ZC3H12D: variants seen among roughly 807,000 people sequenced by gnomAD.
ZC3H12D encodes the protein probable ribonuclease ZC3H12D.
ZC3H12D carries 11 observed loss-of-function variants against 24.2 expected under a neutral mutation model. The observed-to-expected ratio is 0.46, with a 90% CI of 0.29 to 0.75. The LOEUF (loss-of-function observed/expected upper bound fraction) is 0.75, where lower values mean the gene tolerates loss of function less well. Among genes scored for constraint, ZC3H12D ranks in the 30% least tolerant of loss-of-function variants. The pLI is 0.11. For missense variants in ZC3H12D, 740 were observed against 767.7 expected (o/e 0.96, Z 0.43); for synonymous variants, 333 against 341.8 (o/e 0.97, Z 0.28).
At chr6:149,470,528 C>T (rs1416492640) in intron 2 of ZC3H12D, among the ~76,000 whole-genome samples, 1 of 142,376 alleles carries the variant, frequency 7.0e-6, no homozygotes, top group African/African-American at 2.7e-5. Context: ...AGCAAGACTC[C>T]GTCTGAAGAA....
chr6:149,456,627 C>CCCCCCCCCCCCCGGTGG lies in ZC3H12D; in HGVS notation c.680+38_680+39insCCACCGGGGGGGGGGGG. 7.1e-7 allele frequency: 1 copy of CCCCCCCCCCCCCGGTGG among 1,403,092 alleles called. No individual in the cohort carries two copies. The highest frequency in any genetic ancestry group is 1.7e-5 in the Admixed American group (1 of 58,922). 86.9% of individuals were successfully genotyped at this position (1,403,092 alleles called of 1,614,324 possible). A position where few individuals can be genotyped will look rare whatever the true frequency, so the allele number is the denominator to read the frequency against. On this transcript the variant is annotated intron_variant, in intron 4 of 5. Coordinates refer to ENST00000409806, the MANE Select transcript of ZC3H12D (RefSeq NM_207360.3). The surrounding 1 kb of genome is among the most constrained non-coding windows in gnomAD (Gnocchi z 4.3). ...CTGCCTCGACCCCGGCCCCCCGCCC[C>CCCCCCCCCCCCCGGTGG]GCCGCCCCCCAGGGTGTCAGGACCC...
At chr6:149,462,035 G>A (rs888622543) in intron 2 of ZC3H12D, 65 bp from the exon 3 acceptor site, 52 of 1,530,474 alleles carry the variant, frequency 3.4e-5, no homozygotes, top group African/African-American at 2.2e-4. Context: ...ATTTCCCTGC[G>A]AATATCCTGG....
intron 1 of ZC3H12D, among the ~76,000 whole-genome samples, chr6:149,481,715 G>A (rs893875791): frequency 6.7e-6 from 1 of 148,732 alleles, no homozygotes; most frequent in Non-Finnish European, 1.5e-5. Context: ...GTTACACCTG[G>A]TGGGAAGATG....
rs1488312605 is a variant in ZC3H12D at position 149,449,854 on chromosome 6, G to T, written c.*829C>A. ...CATGATGGATGGCTAATAAAATATTGGAGATACTTAACCCTTAGCCAAACA... is the reference window on the plus strand; with the variant it reads ...CATGATGGATGGCTAATAAAATATTTGAGATACTTAACCCTTAGCCAAACA... On this transcript the variant is annotated 3_prime_UTR_variant, in exon 6 of 6. Transcript: ENST00000409806. The T allele has an allele frequency of 1.3e-5, 2 of 152,134 alleles. No individual in the cohort carries two copies. Among genetic ancestry groups the T allele is most frequent in the African/African-American group, 2.4e-5 (1 of 41,394 alleles). 9.4% of individuals were successfully genotyped at this position (152,134 alleles called of 1,614,324 possible).
chr6:149,450,899 G>C lies in ZC3H12D; in HGVS notation c.1368C>G (p.Ala456=), dbSNP rs544987087. ...FPGRSVWAEP[A]WGDGATGGLS... ...GTCCCCCAGTGGCGCCGTCGCCCCAGGCCGGCTCCGCCCAGACGGAGCGCC... is the reference window on the plus strand; with the variant it reads ...GTCCCCCAGTGGCGCCGTCGCCCCACGCCGGCTCCGCCCAGACGGAGCGCC... The change falls in exon 6 of 6, where the codon GCC becomes GCG. Residue 456 remains alanine, a synonymous_variant. Coordinates refer to ENST00000409806, the MANE Select transcript of ZC3H12D (RefSeq NM_207360.3). 2 of 1,540,682 alleles carry C rather than the reference G, an allele frequency of 1.3e-6. No homozygotes were observed. Among genetic ancestry groups the C allele is most frequent in the East Asian group, 2.4e-5 (1 of 40,892 alleles).
rs1477800566 is a variant in ZC3H12D at position 149,447,029 on chromosome 6, T to C, written c.*3654A>G. Reference sequence around the variant, plus strand: ...GAGCAGCTTCTATGAGATGGCTTCATAGTTCTATAATGAGGATTTTAGAAG... The same window carrying C: ...GAGCAGCTTCTATGAGATGGCTTCACAGTTCTATAATGAGGATTTTAGAAG... On this transcript the variant is annotated 3_prime_UTR_variant, in exon 6 of 6. Transcript: ENST00000409806. The C allele has an allele frequency of 6.6e-6, 1 of 152,248 alleles. No homozygotes were observed. The highest frequency in any genetic ancestry group is 6.5e-5 in the Admixed American group (1 of 15,284). 9.4% of individuals were successfully genotyped at this position (152,248 alleles called of 1,614,324 possible). A position where few individuals can be genotyped will look rare whatever the true frequency, so the allele number is the denominator to read the frequency against.
chr6:149,469,459 A>T (rs948313315), intron 2 of ZC3H12D, among the ~76,000 whole-genome samples: 13 of 150,326 alleles, frequency 8.6e-5, no homozygotes, highest in Admixed American at 2.0e-4. Flanking sequence ...CTCCATCTCA[A>T]AAAAAAAAAG....
intron 2 of ZC3H12D, among the ~76,000 whole-genome samples, chr6:149,470,968 C>A (rs553040046): frequency 6.6e-6 from 1 of 152,308 alleles, no homozygotes; most frequent in South Asian, 2.1e-4. Context: ...CCCTGGTTTC[C>A]TTTATGGGGT....
At chr6:149,469,947 G>A (rs184143403) in intron 2 of ZC3H12D, among the ~76,000 whole-genome samples, 1 of 152,280 alleles carries the variant, frequency 6.6e-6, no homozygotes. Flanking sequence ...GGTAATGTCT[G>A]GGGGGAACAT....
Position 149,450,798 on chromosome 6 carries a change from G to C in ZC3H12D, c.1469C>G (p.Pro490Arg). ...CATCACGCGGTCCACCTGGTCACGC[G>C]GGAAGACGCTGTAGAGCGCGATGCG... The part of the protein sequence containing the change: ...RARIALYSVF[P>R]RDQVDRVMAA... Residue 490 changes from proline to arginine, a missense_variant, in exon 6 of 6, where the codon CCG becomes CGG. Coordinates refer to ENST00000409806, the MANE Select transcript of ZC3H12D (RefSeq NM_207360.3). 2 of 1,549,030 alleles carry C rather than the reference G, an allele frequency of 1.3e-6. No individual in the cohort carries two copies. Among genetic ancestry groups the C allele is most frequent in the Non-Finnish European group, 1.7e-6 (2 of 1,146,808 alleles).
chr6:149,464,805 A>C (rs1776125153), intron 2 of ZC3H12D, among the ~76,000 whole-genome samples: 1 of 152,220 alleles, frequency 6.6e-6, no homozygotes, highest in South Asian at 2.1e-4. Context: ...GGCATAACTG[A>C]CATGGTCTAG....
At chr6:149,463,056 C>A (rs1468058647) in intron 2 of ZC3H12D, among the ~76,000 whole-genome samples, 1 of 152,202 alleles carries the variant, frequency 6.6e-6, no homozygotes, top group African/African-American at 2.4e-5. Context: ...TTCAGAGAAT[C>A]CTGACTAATA....
At chr6:149,457,040 C>G (rs1775996025) in intron 3 of ZC3H12D, 140 bp from the exon 4 acceptor site, 2 of 794,998 alleles carry the variant, frequency 2.5e-6, no homozygotes, top group Non-Finnish European at 3.9e-6. Flanking sequence ...CAGTTTTTGC[C>G]GCCATAGCGT....
In ZC3H12D at chr6:149,465,923, A is replaced by C. The variant is rs966427003; in HGVS notation, c.306-3953T>G. Among the ~76,000 whole-genome samples the C allele has an allele frequency of 1.4e-4, 11 of 80,670 alleles. No homozygotes were observed. The African/African-American group carries it at 1.5e-3, about 11-fold the overall frequency. 52.9% of individuals were successfully genotyped at this position (80,670 alleles called of 152,430 possible). Reference sequence around the variant, plus strand: ...GAGGGGGAGATGGAGAAACATCAAGACTGTGAACAAGAGGCTGAACCTTTG... The same window carrying C: ...GAGGGGGAGATGGAGAAACATCAAGCCTGTGAACAAGAGGCTGAACCTTTG... On this transcript the variant is annotated intron_variant, in intron 2 of 5. Coordinates refer to ENST00000409806, the MANE Select transcript of ZC3H12D (RefSeq NM_207360.3).
intron 1 of ZC3H12D, among the ~76,000 whole-genome samples, chr6:149,480,510 A>G (rs1451717580): frequency 1.3e-5 from 2 of 152,220 alleles, no homozygotes; most frequent in Admixed American, 1.3e-4. Flanking sequence ...TATGCCTGTA[A>G]TCCCAGCACT....
chr6:149,477,828 G>C (rs1273873851), intron 1 of ZC3H12D, among the ~76,000 whole-genome samples: 1 of 152,152 alleles, frequency 6.6e-6, no homozygotes, highest in African/African-American at 2.4e-5. Flanking sequence ...GTGTGGTCTA[G>C]GGAAGCCCGG....
Position 149,452,788 on chromosome 6 carries a change from G to C in ZC3H12D, c.681-66C>G, listed in dbSNP as rs1224752808. ...ATTTGCCACCAGCACCTGTACAAAG[G>C]GAGCAGGCCCAAGTTCCCCAAGAAC... On this transcript the variant is annotated intron_variant, in intron 4 of 5. Coordinates refer to ENST00000409806, the MANE Select transcript of ZC3H12D (RefSeq NM_207360.3). This position sits in a 1 kb window ranked among gnomAD's most constrained non-coding sequence, Gnocchi z 4.0. 2 of 1,417,718 alleles carry C rather than the reference G, an allele frequency of 1.4e-6. No individual in the cohort carries two copies. Among genetic ancestry groups the C allele is most frequent in the Admixed American group, 2.0e-5 (1 of 49,792 alleles). The allele number at this position is 1,417,718 out of a possible 1,614,324, so 87.8% of individuals were successfully genotyped here.
intron 1 of ZC3H12D, among the ~76,000 whole-genome samples, chr6:149,482,295 C>G (rs939445524): frequency 4.6e-5 from 7 of 152,260 alleles, no homozygotes; most frequent in African/African-American, 1.7e-4. Flanking sequence ...GGAGCCGCAG[C>G]CTTCCCCCGG....
intron 3 of ZC3H12D, chr6:149,459,779 T>G (rs1350838672): frequency 1.4e-6 from 1 of 707,790 alleles, no homozygotes; most frequent in Non-Finnish European, 2.6e-6. Flanking sequence ...TTGGAATAAG[T>G]GGTGGGCAGA....
Sources: gnomAD v4.1 joint callset for allele counts (sites outside exome capture counted in the v4.1 genomes callset) on GRCh38, gnomAD v4.1.1 for gene constraint, Gnocchi (gnomAD v3.1) non-coding constraint, MANE v1.5 for transcripts, NCBI Gene and HGNC (gene_info 2026-07-23, HGNC 2026-07-21) for gene names.